Variants in PXDNL observed in about 807,000 individuals in gnomAD.
PXDNL encodes the protein peroxidasin like.
Under a neutral mutation model 150.8 loss-of-function variants are expected in PXDNL, and 145 were observed. The observed-to-expected ratio is 0.96, with a 90% CI of 0.84 to 1.10. The LOEUF (loss-of-function observed/expected upper bound fraction) is 1.10, where lower values mean the gene tolerates loss of function less well. Ranked by LOEUF, PXDNL falls within the 50% of genes least tolerant of loss-of-function variation. The probability of loss-of-function intolerance (pLI) is 0.00; values close to 1 mark genes in which losing one functional copy is unlikely to be tolerated. For synonymous variants in PXDNL, 757 were observed against 725.7 expected, an observed-to-expected ratio of 1.04 and a Z score of -0.69; for missense variants, 2,087 against 1,873.9, an observed-to-expected ratio of 1.11 and a Z score of -2.10.
chr8:51,799,176 G>A (rs189990201), intron 1 of PXDNL, among the ~76,000 whole-genome samples: 83 of 152,230 alleles, frequency 5.5e-4, no homozygotes, highest in Non-Finnish European at 9.0e-4. Flanking sequence ...TTATAAGTGG[G>A]AGCTGAACAA....
intron 4 of PXDNL, among the ~76,000 whole-genome samples, chr8:51,538,460 G>A (rs1396117227): frequency 6.6e-6 from 1 of 151,972 alleles, no homozygotes; most frequent in Non-Finnish European, 1.5e-5. Context: ...ATCTGAGAAT[G>A]TGAACAATTT....
At chr8:51,531,573 A>G (rs990180799) in intron 4 of PXDNL, among the ~76,000 whole-genome samples, 4 of 152,172 alleles carry the variant, frequency 2.6e-5, no homozygotes, top group African/African-American at 9.7e-5. Context: ...TATAGCAAGT[A>G]AGGCATGAAC....
rs542003025 is a variant in PXDNL at position 51,472,162 on chromosome 8, A to T, written c.812+25T>A. The T allele has an allele frequency of 1.9e-5, 27 of 1,453,698 alleles. No individual in the cohort carries two copies. In the South Asian group the frequency reaches 2.9e-4, roughly 15 times the overall value. The allele number at this position is 1,453,698 out of a possible 1,614,324, so 90.0% of individuals were successfully genotyped here. A position where few individuals can be genotyped will look rare whatever the true frequency, so the allele number is the denominator to read the frequency against. On this transcript the variant is annotated intron_variant, in intron 8 of 22. Coordinates refer to ENST00000356297, the MANE Select transcript of PXDNL (RefSeq NM_144651.5). The stretch of plus-strand genomic sequence containing the variant: ...TGCTGGAATCAGAAGGAGAATCACA[A>T]CCCATGTCCATGCTCAGTATTTACT...
Position 51,608,046 on chromosome 8 carries a change from A to AAAGAAAGC in PXDNL, c.237-15349_237-15348insGCTTTCTT, listed in dbSNP as rs1813892010. ...GAAAGAAAGAAAGAAAGAAAGAAAG[A>AAAGAAAGC]AAGAAAGAAAGCAAGCAAGCAAGCA... On this transcript the variant is annotated intron_variant, in intron 2 of 22. Coordinates refer to ENST00000356297, the MANE Select transcript of PXDNL (RefSeq NM_144651.5). Among the ~76,000 whole-genome samples the AAAGAAAGC allele has an allele frequency of 2.6e-5, 3 of 116,662 alleles. 1 individual carries two copies. The highest frequency in any genetic ancestry group is 1.2e-4 in the African/African-American group (3 of 25,626). 76.5% of individuals were successfully genotyped at this position (116,662 alleles called of 152,430 possible). A position where few individuals can be genotyped will look rare whatever the true frequency, so the allele number is the denominator to read the frequency against.
chr8:51,564,521 A>G (rs1349330984), intron 3 of PXDNL, among the ~76,000 whole-genome samples: 1 of 151,228 alleles, frequency 6.6e-6, no homozygotes, highest in Non-Finnish European at 1.5e-5. Flanking sequence ...TCTCCTCCCA[A>G]CCTCCACCCT....
At chr8:51,632,917 T>C (rs181485494) in intron 2 of PXDNL, among the ~76,000 whole-genome samples, 1 of 152,290 alleles carries the variant, frequency 6.6e-6, no homozygotes, top group African/African-American at 2.4e-5. Flanking sequence ...TATTTTAGAT[T>C]CAGGGGGTAC....
At chr8:51,543,710 C>CAAAA (rs572642373) in intron 4 of PXDNL, among the ~76,000 whole-genome samples, 1,035 of 56,312 alleles carry the variant, frequency 0.018, no homozygotes, top group Non-Finnish European at 0.029. Flanking sequence ...GACTCCATAT[C>CAAAA]AAAAAAAAAA....
intron 1 of PXDNL, among the ~76,000 whole-genome samples, chr8:51,667,992 G>A (rs111515638): frequency 1.3e-5 from 2 of 152,012 alleles, no homozygotes; most frequent in African/African-American, 2.4e-5. Context: ...GCTGAACACC[G>A]GGTGAGGAGG....
intron 21 of PXDNL, among the ~76,000 whole-genome samples, chr8:51,336,759 G>A (rs9298444): frequency 0.22 from 33,980 of 152,042 alleles, 3,913 homozygotes; most frequent in Middle Eastern, 0.3. Context: ...ATTCCTATCA[G>A]TCAGGCATTT....
intron 16 of PXDNL, among the ~76,000 whole-genome samples, chr8:51,409,927 A>C (rs879467783): frequency 2.6e-5 from 4 of 152,144 alleles, no homozygotes; most frequent in South Asian, 4.2e-4. Flanking sequence ...CTGCTAGAAG[A>C]AGCAAAATGG....
intron 1 of PXDNL, among the ~76,000 whole-genome samples, chr8:51,688,317 T>C (rs1211768230): frequency 6.6e-6 from 1 of 151,990 alleles, no homozygotes; most frequent in Non-Finnish European, 1.5e-5. Flanking sequence ...GTATCTAGTA[T>C]TCATTTAAGA....
intron 1 of PXDNL, among the ~76,000 whole-genome samples, chr8:51,796,983 A>T (rs983123036): frequency 3.9e-5 from 6 of 152,204 alleles, no homozygotes; most frequent in Non-Finnish European, 7.3e-5. Flanking sequence ...ACCATGATCA[A>T]GTTGGCATCA....
chr8:51,372,620 A>G (rs201698510), intron 18 of PXDNL, among the ~76,000 whole-genome samples: 1 of 152,198 alleles, frequency 6.6e-6, no homozygotes, highest in Non-Finnish European at 1.5e-5. Context: ...CCTGGCCTCA[A>G]GTGATCTGCC....
chr8:51,795,057 C>T (rs746596068), intron 1 of PXDNL, among the ~76,000 whole-genome samples: 1 of 152,102 alleles, frequency 6.6e-6, no homozygotes, highest in Non-Finnish European at 1.5e-5. Flanking sequence ...AAGGGCATTA[C>T]ATAATGGTAA....
chr8:51,658,093 C>T (rs1484039570), intron 1 of PXDNL, among the ~76,000 whole-genome samples: 1 of 152,028 alleles, frequency 6.6e-6, no homozygotes, highest in African/African-American at 2.4e-5. Flanking sequence ...CCTGTAATCC[C>T]AGCACTTTGG....
chr8:51,664,581 C>T (rs4873569), intron 1 of PXDNL, among the ~76,000 whole-genome samples: 17,884 of 152,014 alleles, frequency 0.12, 1,809 homozygotes, highest in African/African-American at 0.26. Flanking sequence ...ATGATGGTAT[C>T]GCTGAGATCA....
intron 2 of PXDNL, among the ~76,000 whole-genome samples, chr8:51,600,565 C>G (rs189922203): frequency 3.6e-5 from 4 of 111,228 alleles, no homozygotes; most frequent in East Asian, 2.5e-4. Context: ...TAAATTATAT[C>G]GTTTAGATAA....
chr8:51,404,245 G>T (rs887477320), intron 17 of PXDNL, among the ~76,000 whole-genome samples: 5 of 152,232 alleles, frequency 3.3e-5, no homozygotes, highest in African/African-American at 1.2e-4. Flanking sequence ...AGACCGGAGT[G>T]GATTGCCACT....
intron 20 of PXDNL, among the ~76,000 whole-genome samples, chr8:51,345,535 G>T (rs985049844): frequency 3.9e-5 from 6 of 152,130 alleles, no homozygotes; most frequent in Non-Finnish European, 8.8e-5. Flanking sequence ...AAAAGAATCT[G>T]AAAAATATCA....
Sources: allele counts gnomAD v4.1 joint callset (sites outside exome capture counted in the v4.1 genomes callset), GRCh38; gene constraint gnomAD v4.1.1; transcripts MANE v1.5; gene names NCBI Gene and HGNC (gene_info 2026-07-23, HGNC 2026-07-21).